The following NALF1 variants were observed in gnomAD, a reference collection of about 807,000 sequenced individuals.
The protein encoded by NALF1 is NALCN channel auxiliary factor 1, also known as family with sequence similarity 155 member A.
In NALF1, 3 loss-of-function variants were observed where a neutral mutation model predicts 48.4. That is an observed-to-expected ratio of 0.06 (90% confidence interval 0.03 to 0.16). The LOEUF is 0.16. Among genes scored for constraint, NALF1 ranks in the 10% least tolerant of loss-of-function variants. The pLI is 1.00. For missense variants in NALF1, 526 were observed against 571.5 expected (o/e 0.92, Z 0.81); for synonymous variants, 262 against 245.7 (o/e 1.07, Z -0.62).
intron 1 of NALF1, among the ~76,000 whole-genome samples, chr13:107,579,655 T>C (rs1435294422): frequency 7.3e-5 from 9 of 123,848 alleles, no homozygotes; most frequent in Admixed American, 2.8e-4. Flanking sequence ...ATTTTTCTTT[T>C]TTTTTTTAGC....
intron 1 of NALF1, among the ~76,000 whole-genome samples, chr13:107,277,069 G>T (rs1011791144): frequency 6.6e-5 from 10 of 152,078 alleles, no homozygotes; most frequent in Non-Finnish European, 1.5e-4. Context: ...TGGGTTCCAG[G>T]AAATTATTTG....
chr13:107,682,697 G>T (rs374287109), intron 1 of NALF1, among the ~76,000 whole-genome samples: 23 of 151,806 alleles, frequency 1.5e-4, no homozygotes, highest in African/African-American at 5.6e-4. Flanking sequence ...TGAACTACAA[G>T]TTCTGCGAGG....
chr13:107,642,729 AAG>A (rs1488392975), intron 1 of NALF1, among the ~76,000 whole-genome samples: 25 of 152,312 alleles, frequency 1.6e-4, no homozygotes, highest in African/African-American at 4.8e-4. Flanking sequence ...GGGGAAAGGA[AAG>A]AGAGTTGAGC....
chr13:107,464,028 T>C (rs192710437), intron 1 of NALF1, among the ~76,000 whole-genome samples: 1 of 152,256 alleles, frequency 6.6e-6, no homozygotes, highest in East Asian at 1.9e-4. Flanking sequence ...TAGTTAGGTG[T>C]AGAATAGTAA....
rs1238189193 is a variant in NALF1 at position 107,210,712 on chromosome 13, G to A, written c.959C>T (p.Thr320Ile). ...AATTGTCTTTCTGCAGTTAAACTGT[G>A]TGACTTCAAAATACTGGGAACAGAG... ...AWLCSQYFEV[T>I]QFNCRKTIPC... Residue 320 changes from threonine (T) to isoleucine (I), a missense_variant, in exon 2 of 3, where the codon ACA becomes ATA. This residue lies in a region of NALF1 where 153 missense variants were observed against 215.9 expected (regional missense o/e 0.71). Coordinates refer to ENST00000375915, the MANE Select transcript of NALF1 (RefSeq NM_001080396.3). 2 of 1,612,784 alleles carry A rather than the reference G, an allele frequency of 1.2e-6. No individual in the cohort carries two copies. The highest frequency in any genetic ancestry group is 1.7e-6 in the Non-Finnish European group (2 of 1,178,864).
At chr13:107,788,437 T>C (rs1878136068) in intron 1 of NALF1, 1 of 152,222 alleles carries the variant, frequency 6.6e-6, no homozygotes, top group Non-Finnish European at 1.5e-5. Context: ...GTTGAATAAA[T>C]GCACTTTTCC....
intron 1 of NALF1, among the ~76,000 whole-genome samples, chr13:107,311,007 ATTAGAAAATAT>A (rs1234427055): frequency 1.3e-5 from 2 of 152,204 alleles, no homozygotes; most frequent in Non-Finnish European, 2.9e-5. Context: ...CTAGTGATAA[ATTAGAAAATAT>A]GGCTAGGGAA....
chr13:107,722,396 A>T (rs181912993), intron 1 of NALF1, among the ~76,000 whole-genome samples: 1 of 152,264 alleles, frequency 6.6e-6, no homozygotes. Flanking sequence ...TAATTATTTT[A>T]TCACCAAGAA....
Position 107,840,212 on chromosome 13 carries a change from G to C in NALF1, c.915+25470C>G, listed in dbSNP as rs74112675. Reference sequence around the variant, plus strand: ...ACTATACGAATAGGAAAGAAACAGAGGATTGAGTCTTTGGGACTGGAAACT... The same window carrying C: ...ACTATACGAATAGGAAAGAAACAGACGATTGAGTCTTTGGGACTGGAAACT... On this transcript the variant is annotated intron_variant, in intron 1 of 2. Coordinates refer to ENST00000375915, the MANE Select transcript of NALF1 (RefSeq NM_001080396.3). Among the ~76,000 whole-genome samples the C allele has an allele frequency of 5.6e-3, 852 of 152,262 alleles. 7 individuals carry two copies. Among genetic ancestry groups the C allele is most frequent in the African/African-American group, 0.02 (815 of 41,556 alleles).
intron 1 of NALF1, among the ~76,000 whole-genome samples, chr13:107,710,660 G>A (rs1766757713): frequency 6.7e-6 from 1 of 149,598 alleles, no homozygotes; most frequent in Admixed American, 6.6e-5. Context: ...GAAGAGCATG[G>A]GGGAAACCAC....
intron 2 of NALF1, among the ~76,000 whole-genome samples, chr13:107,171,730 A>T (rs932704153): frequency 6.6e-6 from 1 of 152,240 alleles, no homozygotes; most frequent in African/African-American, 2.4e-5. Flanking sequence ...ATTTTTATGC[A>T]AGCTATATAA....
At chr13:107,739,020 G>A (rs2138542435) in intron 1 of NALF1, among the ~76,000 whole-genome samples, 1 of 152,208 alleles carries the variant, frequency 6.6e-6, no homozygotes, top group African/African-American at 2.4e-5. Context: ...CAAAGAGCAT[G>A]TTTGCTGGAA....
At chr13:107,591,349 C>G (rs9559079) in intron 1 of NALF1, among the ~76,000 whole-genome samples, 123,404 of 151,904 alleles carry the variant, frequency 0.81, 50,126 homozygotes, top group Admixed American at 0.84. Flanking sequence ...AATAGGCTTC[C>G]ATCATTCAGC....
rs1876149854 is a variant in NALF1 at position 107,726,352 on chromosome 13, T to A, written c.915+139330A>T. 2.6e-5 allele frequency among the ~76,000 whole-genome samples: 4 copies of A among 152,152 alleles called. No individual in the cohort carries two copies. In the South Asian group the frequency reaches 8.3e-4, roughly 31 times the overall value. ...CATCTCTTCTCATTTTTCTTCTTAA[T>A]CTGTGATGGAATATTTATGTCCTTG... is the stretch of plus-strand genomic sequence containing the variant. On this transcript the variant is annotated intron_variant, in intron 1 of 2. Coordinates refer to ENST00000375915, the MANE Select transcript of NALF1 (RefSeq NM_001080396.3).
At chr13:107,201,338 A>C (rs1324395030) in intron 2 of NALF1, among the ~76,000 whole-genome samples, 1 of 152,192 alleles carries the variant, frequency 6.6e-6, no homozygotes, top group Non-Finnish European at 1.5e-5. Context: ...CCCTCTGGGG[A>C]GGCCCAGGTG....
chr13:107,243,779 G>A (rs1308007013), intron 1 of NALF1, among the ~76,000 whole-genome samples: 1 of 152,202 alleles, frequency 6.6e-6, no homozygotes, highest in East Asian at 1.9e-4. Context: ...GAGCTGATGG[G>A]GATCATAAAC....
rs569655464 is a variant in NALF1, at chr13:107,324,092, G to A, written c.916-113337C>T. Reference sequence around the variant, plus strand: ...CCACTGCACTCCAGCCTAGGCAACAGACAAATGAAAACAAAAAATATTTTC... The same window carrying A: ...CCACTGCACTCCAGCCTAGGCAACAAACAAATGAAAACAAAAAATATTTTC... On this transcript the variant is annotated intron_variant, in intron 1 of 2. Coordinates refer to ENST00000375915, the MANE Select transcript of NALF1 (RefSeq NM_001080396.3). Among the ~76,000 whole-genome samples, 4 of 152,250 alleles carry A rather than the reference G, an allele frequency of 2.6e-5. No homozygotes were observed. The East Asian group carries it at 5.8e-4, about 22-fold the overall frequency.
intron 1 of NALF1, among the ~76,000 whole-genome samples, chr13:107,301,518 T>C (rs1881836619): frequency 6.6e-6 from 1 of 152,144 alleles, no homozygotes; most frequent in African/African-American, 2.4e-5. Context: ...TACATTTACC[T>C]CCGAGATTAC....
chr13:107,823,727 T>A (rs888876116), intron 1 of NALF1, among the ~76,000 whole-genome samples: 1 of 152,206 alleles, frequency 6.6e-6, no homozygotes, highest in African/African-American at 2.4e-5. Context: ...ATTTTATATA[T>A]GTTCGTGTGA....
Sources: gnomAD v4.1 joint callset for allele counts (sites outside exome capture counted in the v4.1 genomes callset) on GRCh38, gnomAD v4.1.1 for gene constraint, gnomAD v4.1.1 regional missense constraint, MANE v1.5 for transcripts, NCBI Gene and HGNC (gene_info 2026-07-23, HGNC 2026-07-21) for gene names.